The following AKAP9 variants were observed in gnomAD, a reference collection of about 807,000 sequenced individuals.
AKAP9 encodes the protein A-kinase anchoring protein 9.
Under a neutral mutation model 488.5 loss-of-function variants are expected in AKAP9, and 311 were observed. That is an observed-to-expected ratio of 0.64 (90% CI 0.58 to 0.70). The LOEUF (loss-of-function observed/expected upper bound fraction) is 0.70. AKAP9 is among the 30% of genes least tolerant of loss of function. The pLI is 0.00. For missense variants in AKAP9, 4,215 were observed against 4,374.5 expected, an observed-to-expected ratio of 0.96 and a Z score of 1.03; for synonymous variants, 1,462 against 1,483.5, an observed-to-expected ratio of 0.99 and a Z score of 0.33.
rs1338912369 is a variant in AKAP9, at chr7:91,940,983, C to G, written c.-117C>G. The G allele has an allele frequency of 1.8e-6, 2 of 1,091,728 alleles. No individual in the cohort carries two copies. The highest frequency in any genetic ancestry group is 1.5e-5 in the African/African-American group (1 of 64,606). The allele number at this position is 1,091,728 out of a possible 1,614,324, so 67.6% of individuals were successfully genotyped here. On this transcript the variant is annotated 5_prime_UTR_variant, in exon 1 of 50. Coordinates refer to ENST00000356239, the MANE Select transcript of AKAP9 (RefSeq NM_005751.5). The stretch of plus-strand genomic sequence containing the variant: ...CACTTCGGGCGGGGGAGCGCCGGAC[C>G]GAATCGGCTCTCTAGGCCGTGGAGC...
rs926780437 is a variant in AKAP9 at position 91,945,142 on chromosome 7, C to T, written c.48+3995C>T. Among the ~76,000 whole-genome samples, 8 of 152,246 alleles carry T rather than the reference C, an allele frequency of 5.3e-5. No individual in the cohort carries two copies. In the South Asian group the frequency reaches 1.7e-3, roughly 32 times the overall value. On this transcript the variant is annotated intron_variant, in intron 1 of 49. Coordinates refer to ENST00000356239, the MANE Select transcript of AKAP9 (RefSeq NM_005751.5). ...CTGGGAGGCTGAGGTGGGAGGATCGCTTGAGCCCAGAGGTTCTAGATCAGC... is the reference window on the plus strand; with the variant it reads ...CTGGGAGGCTGAGGTGGGAGGATCGTTTGAGCCCAGAGGTTCTAGATCAGC...
At chr7:91,981,943 G>A (rs185693443) in intron 3 of AKAP9, among the ~76,000 whole-genome samples, 50 of 152,180 alleles carry the variant, frequency 3.3e-4, no homozygotes, top group Non-Finnish European at 5.3e-4. Context: ...AAATGCTTTG[G>A]TGCTTAAACT....
In AKAP9 at chr7:92,079,954, A is replaced by T. The variant is rs745346171; in HGVS notation, c.7821A>T (p.Arg2607Ser). The T allele has an allele frequency of 8.2e-6, 13 of 1,594,568 alleles. No homozygotes were observed. In the Admixed American group the frequency reaches 1.4e-4, roughly 18 times the overall value. ...LGSDISALTL[R>S]ISELESQVVE... ...CAGATATATCAGCATTAACCTTGAG[A>T]ATATCAGAATTAGAAAGCCAGGTTG... The change falls in exon 31 of 50, where the codon AGA (arginine) becomes AGT (serine). Residue 2607 changes from arginine (R) to serine (S), a missense_variant. Arg to Ser is a moderately radical substitution (Grantham distance 110). This residue lies in a region of AKAP9 where 1,476 missense variants were observed against 1,477.4 expected (regional missense o/e 1.00). Coordinates refer to ENST00000356239, the MANE Select transcript of AKAP9 (RefSeq NM_005751.5).
chr7:92,033,240 TA>T (rs1466212557), intron 16 of AKAP9, among the ~76,000 whole-genome samples: 4 of 151,708 alleles, frequency 2.6e-5, no homozygotes, highest in Non-Finnish European at 4.4e-5. Context: ...CCCTAAAACT[TA>T]AAGTATTTAA....
At position 92,083,096 on chromosome 7, in the gene AKAP9, C is replaced by T. The variant is rs1584478211; in HGVS notation, c.8161-74C>T. ...ATAATCATGAATTACATTCCTCCCACACCCTTTAAATTCTACATTTAATAT... is the reference window on the plus strand; with the variant it reads ...ATAATCATGAATTACATTCCTCCCATACCCTTTAAATTCTACATTTAATAT... On this transcript the variant is annotated intron_variant, in intron 32 of 49. Coordinates refer to ENST00000356239, the MANE Select transcript of AKAP9 (RefSeq NM_005751.5). The T allele has an allele frequency of 2.6e-6, 4 of 1,542,740 alleles. No individual in the cohort carries two copies. The East Asian group carries it at 9.0e-5, about 35-fold the overall frequency.
chr7:91,941,206 G>C, intron 1 of AKAP9, 59 bp downstream of exon 1: 1 of 1,541,254 alleles, frequency 6.5e-7, no homozygotes, highest in Non-Finnish European at 9.0e-7. Flanking sequence ...CACGGGGTGG[G>C]AGGGGGCCTG....
In AKAP9 at chr7:92,000,993, TAGG is replaced by T; in HGVS notation, c.1079_1081del (p.Gly360del). 1 of 1,545,154 alleles carries T rather than the reference TAGG, an allele frequency of 6.5e-7. No individual in the cohort carries two copies. Among genetic ancestry groups the T allele is most frequent in the Non-Finnish European group, 8.7e-7 (1 of 1,146,884 alleles). On this transcript the variant is annotated inframe_deletion, in exon 8 of 50. Coordinates refer to ENST00000356239, the MANE Select transcript of AKAP9 (RefSeq NM_005751.5). ...AAATTAACAACTGCTGATAAATTAC[TAGG>T]AGAATTACAAGAACAGATTGTGCAA...
At chr7:91,985,764 C>A (rs1377299594) in intron 3 of AKAP9, among the ~76,000 whole-genome samples, 1 of 152,140 alleles carries the variant, frequency 6.6e-6, no homozygotes, top group Non-Finnish European at 1.5e-5. Flanking sequence ...TCTCCTACCT[C>A]AGCCTGCTGA....
intron 8 of AKAP9, among the ~76,000 whole-genome samples, chr7:92,009,095 G>C (rs1244502824): frequency 2.6e-5 from 4 of 152,054 alleles, no homozygotes; most frequent in Non-Finnish European, 5.9e-5. Context: ...GAGACAGGAG[G>C]AGTGCTTGAG....
At chr7:91,954,497 G>T (rs181730477) in intron 1 of AKAP9, among the ~76,000 whole-genome samples, 10 of 152,298 alleles carry the variant, frequency 6.6e-5, no homozygotes, top group African/African-American at 2.4e-4. Flanking sequence ...GTTGGTCCTG[G>T]ACTCAAGTGA....
At chr7:92,088,868 A>C (rs570354446) in intron 37 of AKAP9, among the ~76,000 whole-genome samples, 40 of 152,324 alleles carry the variant, frequency 2.6e-4, no homozygotes, top group African/African-American at 8.4e-4. Context: ...GGTTTTGATA[A>C]TATACTATGG....
chr7:91,994,480 T>G, intron 5 of AKAP9, 141 bp from the exon 6 acceptor site: 1 of 759,544 alleles, frequency 1.3e-6, no homozygotes, highest in Non-Finnish European at 2.1e-6. Flanking sequence ...TTCTGTAAGT[T>G]AATAGTTTTC....
chr7:92,019,885 G>A (rs1346048008), intron 12 of AKAP9, among the ~76,000 whole-genome samples: 1 of 151,692 alleles, frequency 6.6e-6, no homozygotes, highest in Non-Finnish European at 1.5e-5. Flanking sequence ...GTGGTGACAC[G>A]GGCCTATAAT....
rs190416420 is a variant in AKAP9, at chr7:91,987,368, G to A, written c.352-4790G>A. Among the ~76,000 whole-genome samples the A allele has an allele frequency of 6.5e-4, 98 of 151,790 alleles. 2 individuals are homozygous for A. In the East Asian group the frequency reaches 0.011, roughly 17 times the overall value. On this transcript the variant is annotated intron_variant, in intron 3 of 49. Transcript: ENST00000356239. ...TGGGAGGTGGAGGTTACAGTGAGCC[G>A]AGATAGTGCCATTGCACTCCAGCCT...
chr7:91,953,534 C>T (rs1470814900), intron 1 of AKAP9, among the ~76,000 whole-genome samples: 4 of 152,106 alleles, frequency 2.6e-5, no homozygotes, highest in Non-Finnish European at 5.9e-5. Flanking sequence ...TTGGTACTTG[C>T]GGTTGTTGTG....
chr7:92,011,794 G>A (rs1800783513), intron 8 of AKAP9, among the ~76,000 whole-genome samples: 2 of 152,176 alleles, frequency 1.3e-5, no homozygotes, highest in Admixed American at 1.3e-4. Flanking sequence ...CACTGTTTTA[G>A]TCCCTGGTGA....
At chr7:92,062,542 A>G in intron 24 of AKAP9, 56 bp downstream of exon 24, 1 of 1,513,434 alleles carries the variant, frequency 6.6e-7, no homozygotes, top group Non-Finnish European at 9.1e-7. Flanking sequence ...TGTATTCTTC[A>G]AAGGCTTAAG....
intron 8 of AKAP9, among the ~76,000 whole-genome samples, chr7:92,008,315 C>G (rs531326497): frequency 6.6e-6 from 1 of 151,244 alleles, no homozygotes. Flanking sequence ...TGCAGTGAGC[C>G]GAGATCGCGC....
intron 2 of AKAP9, 115 bp from the exon 3 acceptor site, chr7:91,980,174 T>A (rs1013671476): frequency 2.0e-5 from 11 of 551,878 alleles, no homozygotes; most frequent in Non-Finnish European, 3.6e-5. Flanking sequence ...ACTAGTTTTT[T>A]AGTGGTATTT....
Sources: allele counts gnomAD v4.1 joint callset (sites outside exome capture counted in the v4.1 genomes callset), GRCh38; gene constraint gnomAD v4.1.1; regional missense constraint gnomAD v4.1.1; transcripts MANE v1.5; gene names NCBI Gene and HGNC (gene_info 2026-07-23, HGNC 2026-07-21).